The following ZBTB40 variants were observed in gnomAD, a reference collection of about 807,000 sequenced individuals.
ZBTB40 encodes zinc finger and BTB domain-containing protein 40.
In ZBTB40, 60 loss-of-function variants were observed where a neutral mutation model predicts 117.5. The ratio of observed to expected loss-of-function variants is 0.51; its 90% CI spans 0.41 to 0.63. The LOEUF (loss-of-function observed/expected upper bound fraction) is 0.63, where lower values mean the gene tolerates loss of function less well. Among genes scored for constraint, ZBTB40 ranks in the 30% least tolerant of loss-of-function variants. The pLI, the probability that ZBTB40 is intolerant of heterozygous loss-of-function variation, is 0.00. For synonymous variants in ZBTB40, 525 were observed against 577.1 expected, an observed-to-expected ratio of 0.91 and a Z score of 1.29; for missense variants, 1,287 against 1,498.5, an observed-to-expected ratio of 0.86 and a Z score of 2.33.
chr1:22,507,614 C>T (rs766724575), intron 6 of ZBTB40, among the ~76,000 whole-genome samples: 2 of 152,206 alleles, frequency 1.3e-5, no homozygotes, highest in African/African-American at 2.4e-5. Flanking sequence ...CAGCTTCACA[C>T]GCACAGCCTT....
chr1:22,480,231 T>A (rs749802182), intron 1 of ZBTB40, among the ~76,000 whole-genome samples: 1 of 151,736 alleles, frequency 6.6e-6, no homozygotes, highest in East Asian at 2.0e-4. Flanking sequence ...ATTCTAGATA[T>A]CAATTCCTTA....
In ZBTB40 at chr1:22,490,298, T is replaced by C. The variant is rs754454465; in HGVS notation, c.350T>C (p.Val117Ala). The change falls in exon 2 of 18, where the codon GTA (valine) becomes GCA (alanine). Residue 117 changes from valine (V) to alanine (A), a missense_variant. Physicochemically the swap from Val to Ala is moderately conservative, Grantham distance 64. Around this residue, in one of 2 missense-constraint regions of ZBTB40, gnomAD observed 870 missense variants for 934.4 expected, o/e 0.93. Coordinates refer to ENST00000375647, the MANE Select transcript of ZBTB40 (RefSeq NM_014870.4). ...VSCKNLLTSL[V>A]NCSVQGQVVR... is the part of the protein sequence containing the mutation. The stretch of plus-strand genomic sequence containing the variant: ...TGCAAAAATCTTCTGACCAGCCTTG[T>C]AAACTGCTCGGTTCAGGGTCAGGTG... The C allele has an allele frequency of 6.2e-7, 1 of 1,614,208 alleles. No homozygotes were observed. The highest frequency in any genetic ancestry group is 8.5e-7 in the Non-Finnish European group (1 of 1,180,036).
At chr1:22,454,656 G>A (rs1004774898) in intron 1 of ZBTB40, among the ~76,000 whole-genome samples, 1 of 152,242 alleles carries the variant, frequency 6.6e-6, no homozygotes, top group South Asian at 2.1e-4. Context: ...GGGAGTCACT[G>A]TGCTGTGGTT....
chr1:22,526,971 C>T lies in ZBTB40; in HGVS notation c.*575C>T, dbSNP rs374593662. On this transcript the variant is annotated 3_prime_UTR_variant, in exon 18 of 18. Transcript: ENST00000375647. ...GGGTTCCCCCTCCACCCAGTGGCCA[C>T]GCCCAGCACCCTATTGATGGCTATA... 16 of 195,808 alleles carry T rather than the reference C, an allele frequency of 8.2e-5. 1 individual carries two copies. Among genetic ancestry groups the T allele is most frequent in the African/African-American group, 2.3e-4 (10 of 43,012 alleles). 12.1% of individuals were successfully genotyped at this position (195,808 alleles called of 1,614,324 possible). A position where few individuals can be genotyped will look rare whatever the true frequency, so the allele number is the denominator to read the frequency against.
intron 1 of ZBTB40, among the ~76,000 whole-genome samples, chr1:22,431,277 A>AGT (rs1640579635): frequency 6.8e-6 from 1 of 148,114 alleles, no homozygotes; most frequent in African/African-American, 2.5e-5. Context: ...GAATATATAC[A>AGT]ATATTGTATA....
upstream of ZBTB40, among the ~76,000 whole-genome samples, chr1:22,448,094 A>G (rs1230916734): frequency 6.6e-6 from 1 of 152,214 alleles, no homozygotes; most frequent in Admixed American, 6.5e-5. Context: ...CTCTGGGCAT[A>G]GAATTTGATT....
rs1040607840 is a variant in ZBTB40 at position 22,529,327 on chromosome 1, T to G, written c.*2931T>G. ...GAACTCTGGGGCCTTTGGGGTGGTG[T>G]GAAGGAGTCTGTGGGCTTCTTGGAA... On this transcript the variant is annotated 3_prime_UTR_variant, in exon 18 of 18. Coordinates refer to ENST00000375647, the MANE Select transcript of ZBTB40 (RefSeq NM_014870.4). 6.6e-6 allele frequency: 1 copy of G among 152,330 alleles called. No homozygotes were observed. The highest frequency in any genetic ancestry group is 1.9e-4 in the East Asian group (1 of 5,316). 9.4% of individuals were successfully genotyped at this position (152,330 alleles called of 1,614,324 possible). A position where few individuals can be genotyped will look rare whatever the true frequency, so the allele number is the denominator to read the frequency against.
chr1:22,524,098 T>C, intron 16 of ZBTB40, 120 bp from the exon 17 acceptor site: 5 of 938,990 alleles, frequency 5.3e-6, no homozygotes, highest in Non-Finnish European at 8.4e-6. Flanking sequence ...AAAATGTGGA[T>C]CCGCCTCCAA....
At chr1:22,473,019 G>A (rs1419512031) in intron 1 of ZBTB40, among the ~76,000 whole-genome samples, 1 of 152,166 alleles carries the variant, frequency 6.6e-6, no homozygotes, top group African/African-American at 2.4e-5. Context: ...TGGAGCCAAG[G>A]GCAGGTGCAA....
chr1:22,501,930 G>A (rs964524273), intron 4 of ZBTB40, among the ~76,000 whole-genome samples: 3 of 152,122 alleles, frequency 2.0e-5, no homozygotes, highest in Non-Finnish European at 4.4e-5. Context: ...TCTCCTGCCC[G>A]TCAAAAAGCC....
intron 1 of ZBTB40, among the ~76,000 whole-genome samples, chr1:22,432,835 G>C (rs114620769): frequency 0.01 from 1,588 of 152,316 alleles, 26 homozygotes; most frequent in African/African-American, 0.036. Context: ...ATTACTTCCA[G>C]TAGGACAAAT....
Position 22,501,323 on chromosome 1 carries a change from G to A in ZBTB40, c.832-169G>A, listed in dbSNP as rs145530979. Reference sequence around the variant, plus strand: ...CCAGAAGACAGGGGCAGGAGCATGGGACCGCAGGGCTTGTTGGAACTGCTG... The same window carrying A: ...CCAGAAGACAGGGGCAGGAGCATGGAACCGCAGGGCTTGTTGGAACTGCTG... On this transcript the variant is annotated intron_variant, in intron 3 of 17. Transcript: ENST00000375647. 4.1e-3 allele frequency among the ~76,000 whole-genome samples: 624 copies of A among 152,334 alleles called. 4 individuals carry two copies. The highest frequency in any genetic ancestry group is 0.015 in the African/African-American group (604 of 41,564).
chr1:22,505,805 C>T (rs1048636153), intron 5 of ZBTB40, among the ~76,000 whole-genome samples: 15 of 152,118 alleles, frequency 9.9e-5, no homozygotes, highest in African/African-American at 3.6e-4. Flanking sequence ...GGAGGCAGAG[C>T]AGATACACAG....
Position 22,530,899 on chromosome 1 carries a change from C to G in ZBTB40, c.*4503C>G, listed in dbSNP as rs1319888203. On this transcript the variant is annotated 3_prime_UTR_variant, in exon 18 of 18. Coordinates refer to ENST00000375647, the MANE Select transcript of ZBTB40 (RefSeq NM_014870.4). ...TTCCTAAACCCTCCTTCCCAGGGAG[C>G]AAGTGTGGGGCAGGGTTTCAGAGCA... The G allele has an allele frequency of 2.0e-5, 3 of 152,122 alleles. No individual in the cohort carries two copies. Among genetic ancestry groups the G allele is most frequent in the African/African-American group, 7.2e-5 (3 of 41,408 alleles). 9.4% of individuals were successfully genotyped at this position (152,122 alleles called of 1,614,324 possible). A position where few individuals can be genotyped will look rare whatever the true frequency, so the allele number is the denominator to read the frequency against.
intron 1 of ZBTB40, among the ~76,000 whole-genome samples, chr1:22,468,113 C>T (rs558586888): frequency 4.6e-5 from 7 of 151,326 alleles, no homozygotes; most frequent in African/African-American, 1.7e-4. Flanking sequence ...AGAAAAGAAG[C>T]TAATACTTAT....
intron 1 of ZBTB40, among the ~76,000 whole-genome samples, chr1:22,443,900 C>A (rs554490463): frequency 6.6e-6 from 1 of 152,238 alleles, no homozygotes; most frequent in South Asian, 2.1e-4. Flanking sequence ...TGTATAAACT[C>A]CAAAGGTAGG....
intron 5 of ZBTB40, 68 bp downstream of exon 5, chr1:22,502,509 C>G (rs766592714): frequency 3.1e-6 from 5 of 1,593,922 alleles, no homozygotes; most frequent in South Asian, 1.1e-5. Flanking sequence ...GCTTTTGTGG[C>G]ACATAGCACT....
chr1:22,436,338 T>G (rs1041570206), intron 1 of ZBTB40, among the ~76,000 whole-genome samples: 1 of 151,912 alleles, frequency 6.6e-6, no homozygotes, highest in Non-Finnish European at 1.5e-5. Flanking sequence ...GGTGAAACCC[T>G]GTCTCTACTA....
intron 2 of ZBTB40, 28 bp from the exon 3 acceptor site, chr1:22,491,372 G>T (rs6662497): frequency 0.011 from 18,038 of 1,612,012 alleles, 495 homozygotes; most frequent in Admixed American, 0.094. Context: ...ATGAATTTCT[G>T]ATTTGTTTTA....
Sources: gnomAD v4.1 joint callset for allele counts (sites outside exome capture counted in the v4.1 genomes callset) on GRCh38, gnomAD v4.1.1 for gene constraint, gnomAD v4.1.1 regional missense constraint, MANE v1.5 for transcripts, NCBI Gene and HGNC (gene_info 2026-07-23, HGNC 2026-07-21) for gene names.